Variants in CELF2 observed in about 807,000 individuals in gnomAD.
The protein encoded by CELF2 is CUGBP Elav-like family member 2, also known as CUG triplet repeat RNA-binding protein 2.
A neutral mutation model predicts 62.6 loss-of-function variants in CELF2; 8 were observed. That is an observed-to-expected ratio of 0.13 (90% CI 0.07 to 0.23). CELF2 has a LOEUF of 0.23. Among genes scored for constraint, CELF2 ranks in the 10% least tolerant of loss-of-function variants. The pLI is 1.00. For synonymous variants in CELF2, 258 were observed against 250.0 expected, an observed-to-expected ratio of 1.03 and a Z score of -0.30; for missense variants, 333 against 671.0, an observed-to-expected ratio of 0.50 and a Z score of 5.56.
chr10:10,500,175 T>C, the CELF2 span, among the ~76,000 whole-genome samples: 1 of 152,236 alleles, frequency 6.6e-6, no homozygotes, highest in African/African-American at 2.4e-5. Flanking sequence ...TACTTTATTA[T>C]TTGGAGAATT....
chr10:11,323,725 AGAGAATCT>A (rs1236742785), intron 11 of CELF2, among the ~76,000 whole-genome samples: 1 of 152,216 alleles, frequency 6.6e-6, no homozygotes, highest in Admixed American at 6.5e-5. Flanking sequence ...TGAGTGTAAC[AGAGAATCT>A]AACAAGTGAC....
At chr10:10,498,719 T>A in the CELF2 span, among the ~76,000 whole-genome samples, 1 of 152,170 alleles carries the variant, frequency 6.6e-6, no homozygotes, top group Non-Finnish European at 1.5e-5. Context: ...GCCAAGCAAG[T>A]GTGTGCATTA....
At position 10,983,258 on chromosome 10, in the gene CELF2, A is replaced by G. The variant is rs1431242044; in HGVS notation, c.89+63259A>G. Among the ~76,000 whole-genome samples the G allele has an allele frequency of 6.6e-6, 1 of 152,200 alleles. No individual in the cohort carries two copies. The highest frequency in any genetic ancestry group is 6.5e-5 in the Admixed American group (1 of 15,274). On this transcript the variant is annotated intron_variant, in intron 2 of 13. Coordinates refer to the CELF2 transcript ENST00000636488. This position sits in a 1 kb window ranked among gnomAD's most constrained non-coding sequence, Gnocchi z 5.2. The stretch of plus-strand genomic sequence containing the variant: ...TTAAACATTTTTACTTAAATACCAC[A>G]CATGTCCACATAGCATTATTTATAC...
intron 2 of CELF2, among the ~76,000 whole-genome samples, chr10:11,200,167 G>A (rs1565253750): frequency 6.6e-6 from 1 of 152,160 alleles, no homozygotes; most frequent in African/African-American, 2.4e-5. Context: ...CCCACTAGAG[G>A]AGTTTTACAA....
chr10:10,633,674 A>G, the CELF2 span, among the ~76,000 whole-genome samples: 1 of 149,928 alleles, frequency 6.7e-6, no homozygotes, highest in East Asian at 1.9e-4. Flanking sequence ...CACCTTAGAA[A>G]GACCTTTTGT....
At chr10:10,798,592 C>G, upstream of CELF2, 1 of 395,780 alleles carries the variant, frequency 2.5e-6, no homozygotes, top group Non-Finnish European at 4.4e-6. Flanking sequence ...CGGAGGAGAG[C>G]GCAGGATTGA....
chr10:10,566,233 G>C, the CELF2 span, among the ~76,000 whole-genome samples: 1 of 151,874 alleles, frequency 6.6e-6, no homozygotes, highest in Non-Finnish European at 1.5e-5. Flanking sequence ...AATCTCTCTA[G>C]ATGGGATCAA....
chr10:11,192,333 T>C (rs1274177810), intron 2 of CELF2, among the ~76,000 whole-genome samples: 5 of 152,224 alleles, frequency 3.3e-5, no homozygotes, highest in African/African-American at 1.2e-4. Context: ...TGGCCTCTTT[T>C]ATTCTAGTGA....
Position 11,325,840 on chromosome 10 carries a change from A to G in CELF2, c.1299A>G (p.Pro433=), listed in dbSNP as rs1420580681. The change falls in exon 12 of 13, where the codon CCA becomes CCG. Residue 433 remains proline (P), a synonymous_variant. Coordinates refer to ENST00000633077, the MANE Select transcript of CELF2 (RefSeq NM_001326342.2). The part of the protein sequence containing the change: ...QSAAGSQKEG[P]EGANLFIYHL... ...GACTTTTTTTTTCCTCCTTAGGTCC[A>G]GAGGGGGCAAACCTCTTTATTTACC... 8 of 1,612,014 alleles carry G rather than the reference A, an allele frequency of 5.0e-6. No individual in the cohort carries two copies. Among genetic ancestry groups the G allele is most frequent in the Non-Finnish European group, 6.8e-6 (8 of 1,179,340 alleles).
intron 1 of CELF2, among the ~76,000 whole-genome samples, chr10:11,101,749 A>G (rs745741165): frequency 3.9e-5 from 6 of 152,110 alleles, no homozygotes; most frequent in African/African-American, 4.8e-5. Context: ...ACCAAGCATC[A>G]TTTCTCCCTT....
the CELF2 span, among the ~76,000 whole-genome samples, chr10:10,650,152 A>G: frequency 3.3e-5 from 5 of 152,224 alleles, no homozygotes. Context: ...GTCCCTTCGT[A>G]GTATTTCATT....
chr10:10,908,381 G>A (rs564516900), intron 1 of CELF2, among the ~76,000 whole-genome samples: 47 of 151,698 alleles, frequency 3.1e-4, no homozygotes, highest in African/African-American at 1.1e-3. Flanking sequence ...CACCACGCCC[G>A]GCTAATTTTT....
Position 10,938,099 on chromosome 10 carries a change from A to G in CELF2, c.89+18100A>G, listed in dbSNP as rs2046623436. Among the ~76,000 whole-genome samples, 1 of 152,232 alleles carries G rather than the reference A, an allele frequency of 6.6e-6. No individual in the cohort carries two copies. Among genetic ancestry groups the G allele is most frequent in the South Asian group, 2.1e-4 (1 of 4,832 alleles). Reference sequence around the variant, plus strand: ...TAATTTGGAATAACTCAAGAGAGATAGAGGGGAGATGGGTAATACTGAATA... The same window carrying G: ...TAATTTGGAATAACTCAAGAGAGATGGAGGGGAGATGGGTAATACTGAATA... On this transcript the variant is annotated intron_variant, in intron 2 of 13. Coordinates refer to the CELF2 transcript ENST00000636488. This position sits in a 1 kb window ranked among gnomAD's most constrained non-coding sequence, Gnocchi z 4.2.
At chr10:10,940,139 G>A (rs2046890497) in intron 2 of CELF2, among the ~76,000 whole-genome samples, 1 of 152,138 alleles carries the variant, frequency 6.6e-6, no homozygotes, top group Non-Finnish European at 1.5e-5. Context: ...AAAGAAAAAG[G>A]GTTGGCACGA....
the CELF2 span, among the ~76,000 whole-genome samples, chr10:10,660,040 T>C: frequency 1.3e-5 from 2 of 152,098 alleles, no homozygotes; most frequent in Non-Finnish European, 2.9e-5. Context: ...GCTTTGAAGA[T>C]AGAGAAAGGG....
At chr10:10,892,070 A>C (rs376286819) in intron 1 of CELF2, among the ~76,000 whole-genome samples, 1 of 152,206 alleles carries the variant, frequency 6.6e-6, no homozygotes, top group Non-Finnish European at 1.5e-5. Flanking sequence ...TGCAAAAAAA[A>C]CCTTTATTTA....
intron 1 of CELF2, among the ~76,000 whole-genome samples, chr10:10,902,844 CAAAG>C (rs909295049): frequency 8.6e-6 from 1 of 116,092 alleles, no homozygotes; most frequent in African/African-American, 3.4e-5. Context: ...AGGAGAGAGA[CAAAG>C]AAAGGGAGGG....
At chr10:11,118,481 A>G (rs1398005526) in intron 1 of CELF2, among the ~76,000 whole-genome samples, 1 of 152,092 alleles carries the variant, frequency 6.6e-6, no homozygotes, top group African/African-American at 2.4e-5. Context: ...CAAAGCTTTG[A>G]GTAACAATGC....
chr10:10,954,391 G>A (rs972573671), intron 2 of CELF2, among the ~76,000 whole-genome samples: 3 of 151,942 alleles, frequency 2.0e-5, no homozygotes, highest in Admixed American at 2.0e-4. Flanking sequence ...AATTACAGGC[G>A]CATGCCACCA....
Sources: gnomAD v4.1 joint callset for allele counts (sites outside exome capture counted in the v4.1 genomes callset) on GRCh38, gnomAD v4.1.1 for gene constraint, Gnocchi (gnomAD v3.1) non-coding constraint, MANE v1.5 for transcripts, NCBI Gene and HGNC (gene_info 2026-07-23, HGNC 2026-07-21) for gene names.